DAB2: variants seen among roughly 807,000 people sequenced by gnomAD.
The protein encoded by DAB2 is disabled homolog 2.
Under a neutral mutation model 71.6 loss-of-function variants are expected in DAB2, and 28 were observed. That is an observed-to-expected ratio of 0.39 (90% CI 0.29 to 0.54). The LOEUF is 0.54. DAB2 is among the 20% of genes least tolerant of loss of function. DAB2 has a pLI of 0.68. For synonymous variants in DAB2, 345 were observed against 339.7 expected, an observed-to-expected ratio of 1.02 and a Z score of -0.17; for missense variants, 867 against 928.8, an observed-to-expected ratio of 0.93 and a Z score of 0.86.
chr5:39,408,943 G>T (rs186497709), intron 1 of DAB2: 1 of 152,250 alleles, frequency 6.6e-6, no homozygotes, highest in Non-Finnish European at 1.5e-5. Flanking sequence ...GGACAAATTA[G>T]ATAGGTTAAT....
Position 39,388,845 on chromosome 5 carries a change from C to A in DAB2, c.578G>T (p.Ser193Ile). 1 of 1,612,728 alleles carries A rather than the reference C, an allele frequency of 6.2e-7. No homozygotes were observed. The highest frequency in any genetic ancestry group is 8.5e-7 in the Non-Finnish European group (1 of 1,178,780). The change falls in exon 8 of 15, where the codon AGT becomes ATT. Residue 193 changes from serine (S) to isoleucine (I), a missense_variant. Transcript: ENST00000320816. The part of the protein sequence containing the change: ...EEASKAVENG[S>I]EALMILDDQT... ...GTCATCTAGAATCATTAGGGCCTCA[C>A]TCCCATTCTGAAAAGATAGCAAATA...
intron 1 of DAB2, among the ~76,000 whole-genome samples, chr5:39,395,418 T>G: frequency 6.6e-6 from 1 of 152,190 alleles, no homozygotes; most frequent in East Asian, 1.9e-4. Flanking sequence ...TACCACCCAT[T>G]TAAGTGAACA....
At chr5:39,424,572 C>T (rs1756061789) in intron 1 of DAB2, among the ~76,000 whole-genome samples, 1 of 151,092 alleles carries the variant, frequency 6.6e-6, no homozygotes. Context: ...CATCTGGAGT[C>T]GGATTCGAAA....
At chr5:39,378,201 C>T (rs981823999) in intron 11 of DAB2, among the ~76,000 whole-genome samples, 12 of 152,208 alleles carry the variant, frequency 7.9e-5, no homozygotes, top group African/African-American at 2.9e-4. Flanking sequence ...TCGCCAGAAT[C>T]CAGGCCTCTC....
chr5:39,374,447 C>A (rs1449351334), intron 14 of DAB2, among the ~76,000 whole-genome samples: 1 of 152,128 alleles, frequency 6.6e-6, no homozygotes, highest in East Asian at 1.9e-4. Flanking sequence ...GAAGAATCAA[C>A]CTTCAGACTC....
chr5:39,406,865 C>T (rs543443158), intron 1 of DAB2, among the ~76,000 whole-genome samples: 18 of 152,234 alleles, frequency 1.2e-4, no homozygotes, highest in Admixed American at 9.1e-4. Flanking sequence ...AAAACTACTA[C>T]TGACATAGAA....
At chr5:39,424,216 C>T (rs1490014416) in intron 1 of DAB2, among the ~76,000 whole-genome samples, 2 of 152,050 alleles carry the variant, frequency 1.3e-5, no homozygotes, top group South Asian at 4.1e-4. Context: ...ACCATATAAA[C>T]CATGCTCCCT....
chr5:39,388,735 T>G, intron 8 of DAB2, 64 bp downstream of exon 8: 4 of 1,339,838 alleles, frequency 3.0e-6, no homozygotes, highest in Non-Finnish European at 4.3e-6. Context: ...CAGCAACATC[T>G]ACAGGAAGTA....
chr5:39,406,719 T>A (rs1306727806), intron 1 of DAB2, among the ~76,000 whole-genome samples: 2 of 152,232 alleles, frequency 1.3e-5, no homozygotes, highest in African/African-American at 4.8e-5. Context: ...TTAGAAGAAC[T>A]TTATTTTGTA....
Position 39,393,413 on chromosome 5 carries a change from C to A in DAB2, c.92-20G>T, listed in dbSNP as rs1398702016. 1 of 1,613,048 alleles carries A rather than the reference C, an allele frequency of 6.2e-7. No homozygotes were observed. Among genetic ancestry groups the A allele is most frequent in the Non-Finnish European group, 8.5e-7 (1 of 1,179,508 alleles). ...CAGGGCCTGAGAAAAGAAAGGAATA[C>A]AGGATGAAGAATGCTAGTTCTAATT... On this transcript the variant is annotated intron_variant, in intron 2 of 14. Coordinates refer to ENST00000320816, the MANE Select transcript of DAB2 (RefSeq NM_001343.4).
At chr5:39,403,615 G>T (rs1193985341) in intron 1 of DAB2, among the ~76,000 whole-genome samples, 3 of 152,034 alleles carry the variant, frequency 2.0e-5, no homozygotes, top group Non-Finnish European at 2.9e-5. Context: ...TGATTTGGCT[G>T]CTTTGCCTAG....
chr5:39,389,983 T>A (rs565300476), intron 5 of DAB2, 51 bp from the exon 6 acceptor site: 68 of 1,241,810 alleles, frequency 5.5e-5, no homozygotes, highest in Non-Finnish European at 7.5e-5. Context: ...AGTATTTTAT[T>A]TCCTTTGTCT....
chr5:39,394,215 T>C lies in DAB2; in HGVS notation c.91+15A>G. The C allele has an allele frequency of 6.2e-7, 1 of 1,609,552 alleles. No individual in the cohort carries two copies. The highest frequency in any genetic ancestry group is 2.2e-5 in the East Asian group (1 of 44,866). ...TCTAGCTCCCTTCCTTGGCTTCAAG[T>C]GGATTTCTCCATACCTTTCTTTTTT... is the stretch of plus-strand genomic sequence containing the variant. On this transcript the variant is annotated intron_variant, in intron 2 of 14. Transcript: ENST00000320816.
chr5:39,401,315 C>A (rs1055167602), intron 1 of DAB2, among the ~76,000 whole-genome samples: 17 of 152,212 alleles, frequency 1.1e-4, no homozygotes, highest in Admixed American at 2.6e-4. Flanking sequence ...TATGCATTTA[C>A]AGCGAGGAGG....
intron 1 of DAB2, among the ~76,000 whole-genome samples, chr5:39,414,698 C>A (rs1030370184): frequency 1.0e-4 from 15 of 146,902 alleles, no homozygotes; most frequent in East Asian, 3.9e-4. Flanking sequence ...TTATAAATAA[C>A]CTTAAAGTTA....
intron 9 of DAB2, chr5:39,385,303 T>G (rs1755074511): frequency 6.6e-6 from 1 of 152,220 alleles, no homozygotes; most frequent in Non-Finnish European, 1.5e-5. Flanking sequence ...TTATTTGTTT[T>G]GAGCCACCTC....
intron 1 of DAB2, among the ~76,000 whole-genome samples, chr5:39,395,937 C>CA: frequency 1.3e-5 from 1 of 74,858 alleles, no homozygotes; most frequent in East Asian, 4.2e-4. Context: ...CACAGATATT[C>CA]TTTTTTTTTT....
At chr5:39,378,853 CT>C (rs1249202235) in intron 11 of DAB2, among the ~76,000 whole-genome samples, 1 of 152,174 alleles carries the variant, frequency 6.6e-6, no homozygotes, top group Admixed American at 6.5e-5. Flanking sequence ...AATTCAAATA[CT>C]TATTTCACGG....
chr5:39,389,604 G>A (rs1020125573), intron 6 of DAB2, among the ~76,000 whole-genome samples: 1 of 152,064 alleles, frequency 6.6e-6, no homozygotes, highest in African/African-American at 2.4e-5. Context: ...TCTGCCTCCC[G>A]GGTTCAAGTG....
Sources: allele counts gnomAD v4.1 joint callset (sites outside exome capture counted in the v4.1 genomes callset), GRCh38; gene constraint gnomAD v4.1.1; transcripts MANE v1.5; gene names NCBI Gene and HGNC (gene_info 2026-07-23, HGNC 2026-07-21).